SLC9A3: variants seen among roughly 807,000 people sequenced by gnomAD.
The protein encoded by SLC9A3 is solute carrier family 9 member A3.
A neutral mutation model predicts 86.8 loss-of-function variants in SLC9A3; 37 were observed. The observed-to-expected ratio is 0.43, with a 90% CI of 0.33 to 0.56. The LOEUF is 0.56. Ranked by LOEUF, SLC9A3 falls within the 20% of genes least tolerant of loss-of-function variation. The pLI is 0.06. For synonymous variants in SLC9A3, 581 were observed against 528.3 expected, an observed-to-expected ratio of 1.10 and a Z score of -1.37; for missense variants, 1,011 against 1,171.9, an observed-to-expected ratio of 0.86 and a Z score of 2.00.
rs1738436601 is a variant in SLC9A3, at chr5:472,751, A to G, written c.*628T>C. ...GGCCGCTTGCGGGCGCTGGGCCTGC[A>G]GCCGCTGCAGGTCGGGCCCTGAGTC... is the stretch of plus-strand genomic sequence containing the variant. On this transcript the variant is annotated 3_prime_UTR_variant, in exon 17 of 17. Coordinates refer to ENST00000264938, the MANE Select transcript of SLC9A3 (RefSeq NM_004174.4). 1.7e-6 allele frequency: 1 copy of G among 581,556 alleles called. No individual in the cohort carries two copies. The highest frequency in any genetic ancestry group is 3.2e-6 in the Non-Finnish European group (1 of 307,700). The allele number at this position is 581,556 out of a possible 1,614,324, so 36.0% of individuals were successfully genotyped here. A position where few individuals can be genotyped will look rare whatever the true frequency, so the allele number is the denominator to read the frequency against.
In SLC9A3 at chr5:491,493, C is replaced by T. The variant is rs951007924; in HGVS notation, c.514+276G>A. ...ACGGACCCCTACCTCTGCCCAGTGCCGGAGGAAGAGCGGCAGCCCCTGGCC... is the reference window on the plus strand; with the variant it reads ...ACGGACCCCTACCTCTGCCCAGTGCTGGAGGAAGAGCGGCAGCCCCTGGCC... On this transcript the variant is annotated intron_variant, in intron 2 of 16. Coordinates refer to ENST00000264938, the MANE Select transcript of SLC9A3 (RefSeq NM_004174.4). This position sits in a 1 kb window ranked among gnomAD's most constrained non-coding sequence, Gnocchi z 9.2. 2.6e-5 allele frequency among the ~76,000 whole-genome samples: 4 copies of T among 152,086 alleles called. No homozygotes were observed. Among genetic ancestry groups the T allele is most frequent in the Admixed American group, 6.5e-5 (1 of 15,274 alleles).
At position 481,470 on chromosome 5, in the gene SLC9A3, C is replaced by G. The variant is rs557172506; in HGVS notation, c.1517+95G>C. On this transcript the variant is annotated intron_variant, in intron 9 of 16. Coordinates refer to ENST00000264938, the MANE Select transcript of SLC9A3 (RefSeq NM_004174.4). ...AGCCCTGACCAAGCCTGGACTCAAA[C>G]AGTTGTTATGCATGTGGCTTCTGGT... 3.4e-5 allele frequency: 37 copies of G among 1,076,818 alleles called. No individual in the cohort carries two copies. The East Asian group carries it at 8.5e-4, about 25-fold the overall frequency. The allele number at this position is 1,076,818 out of a possible 1,614,324, so 66.7% of individuals were successfully genotyped here.
Position 484,670 on chromosome 5 carries a change from C to T in SLC9A3, c.782G>A (p.Gly261Asp), listed in dbSNP as rs1238322677. 5 of 1,612,688 alleles carry T rather than the reference C, an allele frequency of 3.1e-6. No homozygotes were observed. Among genetic ancestry groups the T allele is most frequent in the Non-Finnish European group, 4.2e-6 (5 of 1,179,778 alleles). ...IVSFFVVSLG[G>D]TLVGVVFAFL... ...GGCGAAGACCACCCCCACCAGCGTG[C>T]CCCCCAGGCTCACCACGAAGAAGGA... is the stretch of plus-strand genomic sequence containing the variant. The change falls in exon 5 of 17, where the codon GGC becomes GAC. Residue 261 changes from glycine (G) to aspartate (D), a missense_variant. Transcript: ENST00000264938.
intron 1 of SLC9A3, among the ~76,000 whole-genome samples, chr5:507,042 A>C (rs2126646167): frequency 6.7e-6 from 1 of 149,960 alleles, no homozygotes; most frequent in South Asian, 2.1e-4. Context: ...GGGCCACTGC[A>C]CTCCAGCCTG....
At chr5:489,433 C>G (rs1010698349) in intron 2 of SLC9A3, among the ~76,000 whole-genome samples, 1 of 152,120 alleles carries the variant, frequency 6.6e-6, no homozygotes, top group South Asian at 2.1e-4. Context: ...AGGGGTTTGT[C>G]CCTGGAGCCG....
At chr5:480,006 C>A in intron 9 of SLC9A3, 41 bp from the exon 10 acceptor site, 2 of 1,594,078 alleles carry the variant, frequency 1.3e-6, no homozygotes, top group Non-Finnish European at 1.7e-6. Flanking sequence ...AGGTGACAGG[C>A]GCCCTAGAGC....
intron 1 of SLC9A3, among the ~76,000 whole-genome samples, chr5:510,050 G>A (rs1740810689): frequency 6.6e-6 from 1 of 152,232 alleles, no homozygotes; most frequent in Non-Finnish European, 1.5e-5. Context: ...GTGTTGGGGA[G>A]ACAGGTGCTG....
At position 471,370 on chromosome 5, in the gene SLC9A3, C is replaced by A. The variant is rs775611828; in HGVS notation, c.*2009G>T. On this transcript the variant is annotated 3_prime_UTR_variant, in exon 17 of 17. Coordinates refer to ENST00000264938, the MANE Select transcript of SLC9A3 (RefSeq NM_004174.4). ...AGGGGAGTTGTTCAGCGCCTGGAAT[C>A]GCCATGCATTGCGCGGTGGACCGCA... 24 of 208,884 alleles carry A rather than the reference C, an allele frequency of 1.1e-4. No individual in the cohort carries two copies. The highest frequency in any genetic ancestry group is 7.9e-5 in the Non-Finnish European group (8 of 101,090). The allele number at this position is 208,884 out of a possible 1,614,324, so 12.9% of individuals were successfully genotyped here. A position where few individuals can be genotyped will look rare whatever the true frequency, so the allele number is the denominator to read the frequency against.
chr5:475,079 C>G lies in SLC9A3; in HGVS notation c.2305G>C (p.Ala769Pro), dbSNP rs781602506. The change falls in exon 16 of 17, where the codon GCC (alanine) becomes CCC (proline). Residue 769 changes from alanine to proline, a missense_variant. This residue lies in a region of SLC9A3 where 397 missense variants were observed against 346.3 expected (regional missense o/e 1.15). Coordinates refer to ENST00000264938, the MANE Select transcript of SLC9A3 (RefSeq NM_004174.4). ...GGAGACAGCCAGGGCGGCAGCCTGG[C>G]CAGGAGGCTGCGGTCCAGGGCCTCG... ...PDEALDRSLLARLPPWLSPGE... is the reference protein window; with the variant it reads ...PDEALDRSLLPRLPPWLSPGE... The G allele has an allele frequency of 1.9e-6, 3 of 1,610,810 alleles. No homozygotes were observed. The African/African-American group carries it at 4.0e-5, about 22-fold the overall frequency.
intron 16 of SLC9A3, among the ~76,000 whole-genome samples, 196 bp downstream of exon 16, chr5:474,687 G>GTGGCGGGAGGCC (rs1738596506): frequency 3.6e-5 from 1 of 28,146 alleles, no homozygotes; most frequent in African/African-American, 2.3e-4. Context: ...GAGGGGTTAG[G>GTGGCGGGAGGCC]CGGGGAGAGA....
rs746091250 is a variant in SLC9A3, at chr5:476,045, C to G, written c.2115G>C (p.Ala705=). The change falls in exon 14 of 17, where the codon GCG becomes GCC. Residue 705 remains alanine, a synonymous_variant. Transcript: ENST00000264938. ...CTTTCTCCTTGATGGTGAAATTCTG[C>G]GCAGGGCTCTCCATGGGCAGCTTCC... ...PNGKLPMESP[A]QNFTIKEKDL... 1.2e-6 allele frequency: 2 copies of G among 1,612,920 alleles called. No homozygotes were observed. The highest frequency in any genetic ancestry group is 1.3e-5 in the African/African-American group (1 of 74,912).
intron 1 of SLC9A3, among the ~76,000 whole-genome samples, chr5:510,272 C>T (rs1243143137): frequency 2.0e-5 from 3 of 152,234 alleles, no homozygotes; most frequent in Non-Finnish European, 4.4e-5. Flanking sequence ...CGTGGCCGTA[C>T]GCTGCCACGG....
Position 524,290 on chromosome 5 carries a change from C to T in SLC9A3, c.33G>A (p.Arg11=), listed in dbSNP as rs753089511. Residue 11 remains arginine (R), a synonymous_variant, in exon 1 of 17, where the codon CGG becomes CGA. Transcript: ENST00000264938. The part of the protein sequence containing the change: MWGLGARGPD[R]GLLLALALGG... ...CCAGCGCCAGCGCCAGCAGCAGCCC[C>T]CGGTCGGGGCCCCGGGCCCCGAGTC... 4.6e-6 allele frequency: 6 copies of T among 1,307,348 alleles called. No individual in the cohort carries two copies. The South Asian group carries it at 1.4e-4, about 30-fold the overall frequency. 81.0% of individuals were successfully genotyped at this position (1,307,348 alleles called of 1,614,324 possible).
In SLC9A3 at chr5:472,282, G is replaced by C; in HGVS notation, c.*1097C>G. Reference sequence around the variant, plus strand: ...GGGTGGGAAGGGTCAGGGGTCCGGGGTCTAGGACAGGCTCAGGGGTCTCAG... The same window carrying C: ...GGGTGGGAAGGGTCAGGGGTCCGGGCTCTAGGACAGGCTCAGGGGTCTCAG... On this transcript the variant is annotated 3_prime_UTR_variant, in exon 17 of 17. Transcript: ENST00000264938. 1 of 348,178 alleles carries C rather than the reference G, an allele frequency of 2.9e-6. No homozygotes were observed. The allele number at this position is 348,178 out of a possible 1,614,324, so 21.6% of individuals were successfully genotyped here. A position where few individuals can be genotyped will look rare whatever the true frequency, so the allele number is the denominator to read the frequency against.
Position 488,567 on chromosome 5 carries a change from C to T in SLC9A3, c.515-91G>A, listed in dbSNP as rs1388783164. On this transcript the variant is annotated intron_variant, in intron 2 of 16. Transcript: ENST00000264938. ...AGGCGCTCGCCTACGGGTCGGGGTTCGGAGCCCGTCTGGCTGGCGCCGGTG... is the reference window on the plus strand; with the variant it reads ...AGGCGCTCGCCTACGGGTCGGGGTTTGGAGCCCGTCTGGCTGGCGCCGGTG... 24 of 1,321,020 alleles carry T rather than the reference C, an allele frequency of 1.8e-5. 1 individual carries two copies. Among genetic ancestry groups the T allele is most frequent in the South Asian group, 1.4e-4 (9 of 64,914 alleles). 81.8% of individuals were successfully genotyped at this position (1,321,020 alleles called of 1,614,324 possible).
chr5:520,994 G>A (rs1733869652), intron 1 of SLC9A3, among the ~76,000 whole-genome samples: 1 of 152,230 alleles, frequency 6.6e-6, no homozygotes, highest in Non-Finnish European at 1.5e-5. Context: ...GTGGCTGCAG[G>A]CTGGGGGCCC....
chr5:488,799 T>A (rs1283563737), intron 2 of SLC9A3, among the ~76,000 whole-genome samples: 1 of 152,104 alleles, frequency 6.6e-6, no homozygotes, highest in Non-Finnish European at 1.5e-5. Context: ...TGGGGGCCCA[T>A]CGCCTGGAGT....
chr5:519,337 G>C (rs773902485), intron 1 of SLC9A3, among the ~76,000 whole-genome samples: 15 of 152,150 alleles, frequency 9.9e-5, no homozygotes, highest in Non-Finnish European at 1.8e-4. Flanking sequence ...AGAACCTAAG[G>C]GCAGTTCAGC....
In SLC9A3 at chr5:522,867, C is replaced by T. The variant is rs938324; in HGVS notation, c.211+1245G>A. 2.0e-3 allele frequency among the ~76,000 whole-genome samples: 310 copies of T among 152,306 alleles called. 5 individuals carry two copies. In the East Asian group the frequency reaches 0.05, roughly 24 times the overall value. On this transcript the variant is annotated intron_variant, in intron 1 of 16. Transcript: ENST00000264938. The stretch of plus-strand genomic sequence containing the variant: ...CGCAGAGCCCAGGTTGAGTCTGGAC[C>T]TCCCTGATGCCCCAGGGGCCCTTCT...
Sources: gnomAD v4.1 joint callset for allele counts (sites outside exome capture counted in the v4.1 genomes callset) on GRCh38, gnomAD v4.1.1 for gene constraint, gnomAD v4.1.1 regional missense constraint, Gnocchi (gnomAD v3.1) non-coding constraint, MANE v1.5 for transcripts, NCBI Gene and HGNC (gene_info 2026-07-23, HGNC 2026-07-21) for gene names.